Variants in ANKLE2 observed in about 807,000 individuals in gnomAD.
ANKLE2 encodes the protein ankyrin repeat and LEM domain containing 2, also known as ankyrin repeat and LEM domain-containing protein 2.
In ANKLE2, 55 loss-of-function variants were observed where a neutral mutation model predicts 84.2. That is an observed-to-expected ratio of 0.65 (90% CI 0.53 to 0.82). The LOEUF (loss-of-function observed/expected upper bound fraction) is 0.82, where lower values mean the gene tolerates loss of function less well. Ranked by LOEUF, ANKLE2 falls within the 40% of genes least tolerant of loss-of-function variation. The pLI is 0.00. For missense variants in ANKLE2, 1,238 were observed against 1,201.9 expected, an observed-to-expected ratio of 1.03 and a Z score of -0.44; for synonymous variants, 551 against 486.1, an observed-to-expected ratio of 1.13 and a Z score of -1.76.
At chr12:132,741,264 C>T (rs1333611776) in intron 7 of ANKLE2, among the ~76,000 whole-genome samples, 155 bp downstream of exon 7, 2 of 152,184 alleles carry the variant, frequency 1.3e-5, no homozygotes, top group Non-Finnish European at 2.9e-5. Context: ...TAGGAGAGCT[C>T]AGGAGAAGAA....
intron 1 of ANKLE2, chr12:132,761,271 G>A (rs2044617924): frequency 4.9e-6 from 1 of 205,438 alleles, no homozygotes; most frequent in East Asian, 1.1e-4. Context: ...TCCCCGCGCC[G>A]CCCTCCTTTG....
At chr12:132,749,216 C>T (rs1456177690) in intron 3 of ANKLE2, among the ~76,000 whole-genome samples, 1 of 152,090 alleles carries the variant, frequency 6.6e-6, no homozygotes, top group Non-Finnish European at 1.5e-5. Context: ...AGTGCAGTGG[C>T]GCGATCTCAG....
At chr12:132,748,589 G>T (rs1437951308) in intron 3 of ANKLE2, among the ~76,000 whole-genome samples, 2 of 152,066 alleles carry the variant, frequency 1.3e-5, no homozygotes, top group African/African-American at 4.8e-5. Context: ...GGGGGCCCCA[G>T]CCTACAACGG....
chr12:132,745,876 C>T (rs764018706), intron 5 of ANKLE2: 3 of 153,594 alleles, frequency 2.0e-5, no homozygotes, highest in Non-Finnish European at 4.4e-5. Flanking sequence ...GAGAATAGTC[C>T]TGCCCATCCA....
chr12:132,761,403 G>A (rs989221989), intron 1 of ANKLE2: 3 of 365,466 alleles, frequency 8.2e-6, no homozygotes, highest in African/African-American at 2.1e-5. Flanking sequence ...CCCCGAACCC[G>A]GCGTGGCCCC....
At chr12:132,756,917 C>G (rs545873033) in intron 1 of ANKLE2, 1 of 150,876 alleles carries the variant, frequency 6.6e-6, no homozygotes, top group Non-Finnish European at 1.5e-5. Flanking sequence ...GGCAACAGAG[C>G]GAGACTCCAC....
At chr12:132,739,786 A>C (rs2044084725) in intron 7 of ANKLE2, among the ~76,000 whole-genome samples, 1 of 152,210 alleles carries the variant, frequency 6.6e-6, no homozygotes, top group Non-Finnish European at 1.5e-5. Flanking sequence ...GTGAAGCTAC[A>C]ACGTGACCGA....
chr12:132,761,400 C>T (rs958006477), intron 1 of ANKLE2: 16 of 360,614 alleles, frequency 4.4e-5, no homozygotes, highest in African/African-American at 3.2e-4. Context: ...CACCCCCGAA[C>T]CCGGCGTGGC....
intron 2 of ANKLE2, among the ~76,000 whole-genome samples, chr12:132,754,423 T>C (rs1390777155): frequency 6.6e-6 from 1 of 152,194 alleles, no homozygotes; most frequent in Non-Finnish European, 1.5e-5. Context: ...AGCCAGTTAA[T>C]ATTAATATCT....
chr12:132,745,130 A>G (rs2044208904), intron 5 of ANKLE2: 3 of 152,798 alleles, frequency 2.0e-5, no homozygotes, highest in Non-Finnish European at 1.5e-5. Flanking sequence ...CAGCGCCCGC[A>G]CCGCGGCCCA....
In ANKLE2 at chr12:132,761,695, A is replaced by T; in HGVS notation, c.104T>A (p.Leu35Gln). The T allele has an allele frequency of 7.4e-7, 1 of 1,347,784 alleles. No individual in the cohort carries two copies. Among genetic ancestry groups the T allele is most frequent in the Non-Finnish European group, 9.6e-7 (1 of 1,042,064 alleles). The allele number at this position is 1,347,784 out of a possible 1,614,324, so 83.5% of individuals were successfully genotyped here. A position where few individuals can be genotyped will look rare whatever the true frequency, so the allele number is the denominator to read the frequency against. The part of the protein sequence containing the change: ...LIAVRWLVRR[L>Q]GPRPGGLGRS... ...GCCCAGACCTCCCGGCCGCGGGCCC[A>T]GCCGCCGCACCAGCCACCGCACAGC... The change falls in exon 1 of 13, where the codon CTG becomes CAG. Residue 35 changes from leucine (L) to glutamine (Q), a missense_variant. Leu to Gln is a moderately radical substitution (Grantham distance 113). Transcript: ENST00000357997.
chr12:132,743,947 AAAG>A lies in ANKLE2; in HGVS notation c.1231-674_1231-672del, dbSNP rs1268649954. On this transcript the variant is annotated intron_variant, in intron 5 of 12. Transcript: ENST00000357997. The surrounding 1 kb of genome is among the most constrained non-coding windows in gnomAD (Gnocchi z 4.1). ...AAGCGCACGAATTTGGTCTGTACTC[AAAG>A]AAGTCTCTGCGGCCTGTGACACCAC... Among the ~76,000 whole-genome samples the A allele has an allele frequency of 1.3e-5, 2 of 152,228 alleles. No individual in the cohort carries two copies. Among genetic ancestry groups the A allele is most frequent in the Non-Finnish European group, 2.9e-5 (2 of 68,038 alleles).
chr12:132,747,186 T>A (rs2044256327), intron 5 of ANKLE2, among the ~76,000 whole-genome samples: 1 of 152,172 alleles, frequency 6.6e-6, no homozygotes, highest in African/African-American at 2.4e-5. Flanking sequence ...ATCGTTCCTG[T>A]TTCTAAGCAG....
chr12:132,747,779 A>G, intron 5 of ANKLE2, 53 bp downstream of exon 5: 1 of 1,561,076 alleles, frequency 6.4e-7, no homozygotes, highest in South Asian at 1.2e-5. Flanking sequence ...CTTTTGGGGA[A>G]AGACTTTTAA....
At chr12:132,736,515 G>A (rs1027977893) in intron 8 of ANKLE2, among the ~76,000 whole-genome samples, 3 of 152,232 alleles carry the variant, frequency 2.0e-5, no homozygotes, top group Non-Finnish European at 4.4e-5. Flanking sequence ...GTCAGGAGGT[G>A]GACGTGCAGA....
chr12:132,731,321 A>G (rs1189086152), intron 10 of ANKLE2: 2 of 152,278 alleles, frequency 1.3e-5, no homozygotes, highest in Non-Finnish European at 2.9e-5. Flanking sequence ...TGATTCCTGT[A>G]TAACGACGGC....
rs115433991 is a variant in ANKLE2, at chr12:132,734,787, T to A, written c.1701-212A>T. The A allele has an allele frequency of 6.6e-3, 3,573 of 543,346 alleles. 112 individuals carry two copies. The highest frequency in any genetic ancestry group is 0.063 in the African/African-American group (3,245 of 51,224). The allele number at this position is 543,346 out of a possible 1,614,324, so 33.7% of individuals were successfully genotyped here. On this transcript the variant is annotated intron_variant, in intron 9 of 12. Transcript: ENST00000357997. Reference sequence around the variant, plus strand: ...AGGTAAGCAGGACCCGGCACAGCTCTCAGGAGCCGTGAACCGGCTGCAGGC... The same window carrying A: ...AGGTAAGCAGGACCCGGCACAGCTCACAGGAGCCGTGAACCGGCTGCAGGC...
At chr12:132,735,549 C>A (rs2043991364) in intron 8 of ANKLE2, 37 bp from the exon 9 acceptor site, 15 of 1,554,942 alleles carry the variant, frequency 9.6e-6, no homozygotes, top group South Asian at 1.1e-5. Context: ...CCGTGTCAGG[C>A]ACTGCGCCCC....
intron 6 of ANKLE2, chr12:132,741,820 G>T (rs11147040): frequency 0.081 from 39,010 of 482,202 alleles, 1,975 homozygotes; most frequent in African/African-American, 0.16. Flanking sequence ...TTCTTGGTTG[G>T]TTGAGTTCCA....
Sources: gnomAD v4.1 joint callset for allele counts (sites outside exome capture counted in the v4.1 genomes callset) on GRCh38, gnomAD v4.1.1 for gene constraint, Gnocchi (gnomAD v3.1) non-coding constraint, MANE v1.5 for transcripts, NCBI Gene and HGNC (gene_info 2026-07-23, HGNC 2026-07-21) for gene names.